CCDC178: variants seen among roughly 807,000 people sequenced by gnomAD.
The protein encoded by CCDC178 is coiled-coil domain containing 178.
Under a neutral mutation model 117.4 loss-of-function variants are expected in CCDC178, and 126 were observed. That is an observed-to-expected ratio of 1.07 (90% CI 0.93 to 1.24). The LOEUF is 1.24. CCDC178 is among the 50% of genes most tolerant of loss of function. CCDC178 has a pLI of 0.00. For synonymous variants in CCDC178, 283 were observed against 313.4 expected (o/e 0.90, Z 1.02); for missense variants, 1,030 against 986.9 (o/e 1.04, Z -0.59).
chr18:33,238,941 T>A (rs1206000677), intron 15 of CCDC178, among the ~76,000 whole-genome samples: 2 of 151,974 alleles, frequency 1.3e-5, no homozygotes, highest in Non-Finnish European at 2.9e-5. Context: ...CCAGGAGAAA[T>A]CTTTCAAATC....
chr18:33,310,374 T>C (rs1402995954), intron 11 of CCDC178, among the ~76,000 whole-genome samples: 1 of 152,208 alleles, frequency 6.6e-6, no homozygotes, highest in African/African-American at 2.4e-5. Flanking sequence ...AAATTGTACA[T>C]GGAATTAAGT....
intron 18 of CCDC178, among the ~76,000 whole-genome samples, chr18:33,217,966 A>T (rs1184806580): frequency 6.6e-6 from 1 of 152,092 alleles, no homozygotes; most frequent in African/African-American, 2.4e-5. Context: ...CACTCTTCAT[A>T]GGCTTATCAT....
intron 14 of CCDC178, among the ~76,000 whole-genome samples, chr18:33,257,425 C>T (rs984713332): frequency 6.6e-6 from 1 of 152,044 alleles, no homozygotes; most frequent in Non-Finnish European, 1.5e-5. Context: ...GGCCCATGAC[C>T]TATTATTTGA....
intron 11 of CCDC178, among the ~76,000 whole-genome samples, chr18:33,297,034 CAAAT>C (rs1431976716): frequency 4.0e-5 from 6 of 151,396 alleles, no homozygotes; most frequent in Non-Finnish European, 8.8e-5. Flanking sequence ...AAATAATAAA[CAAAT>C]AAATAAATAT....
chr18:33,399,625 T>G (rs2063684095), intron 3 of CCDC178, among the ~76,000 whole-genome samples: 1 of 152,190 alleles, frequency 6.6e-6, no homozygotes, highest in South Asian at 2.1e-4. Context: ...TTCTCATCCA[T>G]GAAACTTTTA....
chr18:33,129,725 T>C (rs1347048737), intron 20 of CCDC178, among the ~76,000 whole-genome samples: 2 of 152,052 alleles, frequency 1.3e-5, no homozygotes, highest in African/African-American at 2.4e-5. Flanking sequence ...TCTGCAAATA[T>C]ACCATTATGT....
chr18:33,272,092 G>A (rs1389753767), intron 12 of CCDC178, among the ~76,000 whole-genome samples: 2 of 151,254 alleles, frequency 1.3e-5, no homozygotes, highest in Non-Finnish European at 3.0e-5. Context: ...TCTAATACAT[G>A]CAAAAAGTGG....
At position 33,163,403 on chromosome 18, in the gene CCDC178, C is replaced by T. The variant is rs1396258964; in HGVS notation, c.2238+48493G>A. ...AACACAAGTCTCATTTAAATAGATG[C>T]TTTTTACTATTTCTAAAGCAACAAT... On this transcript the variant is annotated intron_variant, in intron 20 of 22. Transcript: ENST00000383096. Among the ~76,000 whole-genome samples the T allele has an allele frequency of 3.3e-5, 5 of 152,188 alleles. No homozygotes were observed. In the East Asian group the frequency reaches 7.7e-4, roughly 23 times the overall value.
chr18:33,303,588 T>C (rs2062208797), intron 11 of CCDC178, among the ~76,000 whole-genome samples: 1 of 151,504 alleles, frequency 6.6e-6, no homozygotes, highest in East Asian at 1.9e-4. Flanking sequence ...GTATGGGGGA[T>C]GAGGAGAAGG....
intron 7 of CCDC178, among the ~76,000 whole-genome samples, chr18:33,350,298 C>G (rs2062958138): frequency 6.6e-6 from 1 of 152,008 alleles, no homozygotes; most frequent in African/African-American, 2.4e-5. Flanking sequence ...GCCAAAGTCT[C>G]ATAACATATT....
intron 2 of CCDC178, among the ~76,000 whole-genome samples, chr18:33,435,314 G>GT (rs2064273874): frequency 6.6e-6 from 1 of 152,116 alleles, no homozygotes; most frequent in African/African-American, 2.4e-5. Context: ...ATAGTCACAT[G>GT]TAGCTATAGG....
chr18:33,123,196 A>G (rs2057960621), intron 20 of CCDC178, among the ~76,000 whole-genome samples: 1 of 152,156 alleles, frequency 6.6e-6, no homozygotes, highest in Non-Finnish European at 1.5e-5. Flanking sequence ...AAAATAATAT[A>G]AAAGTACTAT....
chr18:33,385,388 G>A (rs534223663), intron 5 of CCDC178, among the ~76,000 whole-genome samples: 29 of 151,630 alleles, frequency 1.9e-4, no homozygotes, highest in Middle Eastern at 3.4e-3. Context: ...TACAGAACTC[G>A]CCAGACAAAA....
At chr18:33,060,485 A>G (rs2056904643) in intron 21 of CCDC178, among the ~76,000 whole-genome samples, 1 of 152,246 alleles carries the variant, frequency 6.6e-6, no homozygotes, top group South Asian at 2.1e-4. Flanking sequence ...ATAAGTAAAT[A>G]AATGATTGAT....
At chr18:33,002,248 A>G (rs2055651836) in intron 21 of CCDC178, among the ~76,000 whole-genome samples, 1 of 152,160 alleles carries the variant, frequency 6.6e-6, no homozygotes, top group African/African-American at 2.4e-5. Context: ...CAGCACATGG[A>G]TCATTCTCAA....
chr18:33,001,452 G>T (rs1022121836), intron 21 of CCDC178, among the ~76,000 whole-genome samples: 5 of 152,048 alleles, frequency 3.3e-5, no homozygotes, highest in Admixed American at 6.6e-5. Context: ...GGCAGAGTTT[G>T]CAGTGAGCCG....
chr18:33,135,884 T>A (rs986458741), intron 20 of CCDC178: 1 of 152,210 alleles, frequency 6.6e-6, no homozygotes, highest in Non-Finnish European at 1.5e-5. Context: ...TAGACACAGA[T>A]TCTTGTTTAC....
At chr18:33,305,177 T>C (rs1256128951) in intron 11 of CCDC178, among the ~76,000 whole-genome samples, 2 of 152,182 alleles carry the variant, frequency 1.3e-5, no homozygotes, top group Non-Finnish European at 2.9e-5. Flanking sequence ...GGAAGCTTTT[T>C]TACATGCTCA....
At chr18:33,379,926 T>G (rs1451620407) in intron 5 of CCDC178, among the ~76,000 whole-genome samples, 1 of 151,860 alleles carries the variant, frequency 6.6e-6, no homozygotes, top group Non-Finnish European at 1.5e-5. Context: ...CAGGTGAGGG[T>G]GTATTTTGAA....
Sources: gnomAD v4.1 joint callset for allele counts (sites outside exome capture counted in the v4.1 genomes callset) on GRCh38, gnomAD v4.1.1 for gene constraint, MANE v1.5 for transcripts, NCBI Gene and HGNC (gene_info 2026-07-23, HGNC 2026-07-21) for gene names.